The following LRRC63 variants were observed in gnomAD, a reference collection of about 807,000 sequenced individuals.
The protein encoded by LRRC63 is leucine-rich repeat-containing protein 63.
In LRRC63, 40 loss-of-function variants were observed where a neutral mutation model predicts 49.5. The observed-to-expected ratio is 0.81, with a 90% CI of 0.63 to 1.05. The LOEUF (loss-of-function observed/expected upper bound fraction) is 1.05. Ranked by LOEUF, LRRC63 falls within the 50% of genes least tolerant of loss-of-function variation. The pLI is 0.00. For synonymous variants in LRRC63, 191 were observed against 221.1 expected (o/e 0.86, Z 1.21); for missense variants, 636 against 663.1 (o/e 0.96, Z 0.45).
intron 9 of LRRC63, among the ~76,000 whole-genome samples, chr13:46,271,085 A>G (rs1271149076): frequency 6.6e-6 from 1 of 152,186 alleles, no homozygotes; most frequent in Non-Finnish European, 1.5e-5. Flanking sequence ...TTAACCAAAC[A>G]CAAAACCCAC....
At chr13:46,228,680 A>G in exon 4 of LRRC63, 1 of 1,544,882 alleles carries the variant, frequency 6.5e-7, no homozygotes, top group African/African-American at 1.4e-5. Flanking sequence ...CTTGTAACAG[A>G]AAATGGAAAT....
intron 7 of LRRC63, 139 bp downstream of exon 7, chr13:46,250,630 C>A: frequency 1.5e-6 from 1 of 681,630 alleles, no homozygotes; most frequent in South Asian, 2.1e-5. Flanking sequence ...TAATACGCTT[C>A]TTCTTATGGT....
chr13:46,231,422 T>C (rs986403725), intron 4 of LRRC63, among the ~76,000 whole-genome samples: 7 of 152,116 alleles, frequency 4.6e-5, no homozygotes, highest in African/African-American at 1.4e-4. Flanking sequence ...CTTTTACTCA[T>C]GGCAGAAGGC....
chr13:46,224,658 A>G (rs554552405), intron 2 of LRRC63, among the ~76,000 whole-genome samples: 2 of 152,172 alleles, frequency 1.3e-5, no homozygotes, highest in Admixed American at 6.5e-5. Flanking sequence ...CTGTGTCTTT[A>G]TATTGATATC....
intron 7 of LRRC63, among the ~76,000 whole-genome samples, chr13:46,258,482 G>A (rs1019063618): frequency 2.3e-4 from 34 of 150,554 alleles, no homozygotes; most frequent in African/African-American, 8.3e-4. Flanking sequence ...ACTTATACTT[G>A]TCTTCAAGGA....
At chr13:46,245,270 A>G (rs918679657) in intron 5 of LRRC63, among the ~76,000 whole-genome samples, 1 of 152,218 alleles carries the variant, frequency 6.6e-6, no homozygotes, top group African/African-American at 2.4e-5. Context: ...TAGACTTAAT[A>G]TATCTTGATC....
chr13:46,263,773 T>C (rs2047646352), intron 8 of LRRC63, among the ~76,000 whole-genome samples: 1 of 152,232 alleles, frequency 6.6e-6, no homozygotes, highest in Admixed American at 6.5e-5. Flanking sequence ...AAAGAATGTT[T>C]ATTTAGCACT....
chr13:46,237,079 A>G lies in LRRC63; in HGVS notation c.990+2730A>G, dbSNP rs140969591. Among the ~76,000 whole-genome samples the G allele has an allele frequency of 6.0e-4, 91 of 152,316 alleles. No homozygotes were observed. The Middle Eastern group carries it at 0.01, about 17-fold the overall frequency. On this transcript the variant is annotated intron_variant, in intron 5 of 9. Transcript: ENST00000595396. ...CACAAAAGGATGTGAGGAGGGAATT[A>G]ATGTGGCACACTACAGAAAATTAAT...
At chr13:46,250,265 A>G (rs1020671505) in intron 6 of LRRC63, 90 bp from the exon 7 acceptor site, 2 of 1,132,304 alleles carry the variant, frequency 1.8e-6, no homozygotes, top group African/African-American at 1.6e-5. Flanking sequence ...ATGATTCTAC[A>G]TTAGTTCAGA....
rs181295548 is a variant in LRRC63 at position 46,243,968 on chromosome 13, C to T, written c.991-2559C>T. On this transcript the variant is annotated intron_variant, in intron 5 of 9. Transcript: ENST00000595396. The stretch of plus-strand genomic sequence containing the variant: ...GAATTCATTTTTCTCAAGCTTATCT[C>T]TACTACAAGAAATGTTGGAAAAAAA... 7.2e-4 allele frequency among the ~76,000 whole-genome samples: 109 copies of T among 152,070 alleles called. 3 individuals are homozygous for T. Among genetic ancestry groups the T allele is most frequent in the African/African-American group, 2.3e-3 (97 of 41,474 alleles).
In LRRC63 at chr13:46,264,180, C is replaced by A. The variant is rs556060024; in HGVS notation, c.1310+2188C>A. 3.9e-5 allele frequency among the ~76,000 whole-genome samples: 6 copies of A among 152,264 alleles called. No individual in the cohort carries two copies. The East Asian group carries it at 5.8e-4, about 15-fold the overall frequency. Reference sequence around the variant, plus strand: ...ACTAAGATTCTCCCATAATCTTTGACCTTTCAGAATTTTATGAGATTACGC... The same window carrying A: ...ACTAAGATTCTCCCATAATCTTTGAACTTTCAGAATTTTATGAGATTACGC... On this transcript the variant is annotated intron_variant, in intron 8 of 9. Coordinates refer to ENST00000595396, the Ensembl canonical transcript of LRRC63.
rs1017589686 is a variant in LRRC63 at position 46,266,431 on chromosome 13, A to G, written c.1311-302A>G. Among the ~76,000 whole-genome samples, 31 of 152,206 alleles carry G rather than the reference A, an allele frequency of 2.0e-4. 1 individual carries two copies. Among genetic ancestry groups the G allele is most frequent in the African/African-American group, 6.3e-4 (26 of 41,466 alleles). Reference sequence around the variant, plus strand: ...CATACTATACCATATTTTATGTAACATGACATTGATTAATCTTGTGTTTGT... The same window carrying G: ...CATACTATACCATATTTTATGTAACGTGACATTGATTAATCTTGTGTTTGT... On this transcript the variant is annotated intron_variant, in intron 8 of 9. Transcript: ENST00000595396.
chr13:46,276,865 TA>T (rs1408658410), exon 10 of LRRC63: 48 of 163,890 alleles, frequency 2.9e-4, no homozygotes, highest in South Asian at 6.3e-4. Context: ...TATATATATA[TA>T]TTTATATATA....
intron 7 of LRRC63, among the ~76,000 whole-genome samples, chr13:46,258,042 A>G: frequency 6.6e-6 from 1 of 151,632 alleles, no homozygotes; most frequent in East Asian, 1.9e-4. Context: ...ACTCAAAGTG[A>G]TAGAGTAGAA....
chr13:46,233,999 A>C (rs2046835927), intron 4 of LRRC63, among the ~76,000 whole-genome samples, 193 bp from the exon 5 acceptor site: 1 of 152,212 alleles, frequency 6.6e-6, no homozygotes, highest in Non-Finnish European at 1.5e-5. Context: ...TACAAAACAA[A>C]ACAACACCCA....
chr13:46,274,249 G>C (rs1008108242), intron 9 of LRRC63, among the ~76,000 whole-genome samples: 6 of 152,092 alleles, frequency 3.9e-5, no homozygotes, highest in African/African-American at 1.4e-4. Flanking sequence ...GAGAGAGGGA[G>C]GATGAAAAAT....
At chr13:46,237,897 C>CAA (rs534001912) in intron 5 of LRRC63, among the ~76,000 whole-genome samples, 1 of 151,516 alleles carries the variant, frequency 6.6e-6, no homozygotes, top group East Asian at 1.9e-4. Flanking sequence ...GACTCAAGAA[C>CAA]AAAAAAAATC....
chr13:46,256,095 C>T (rs1234823178), intron 7 of LRRC63, among the ~76,000 whole-genome samples: 1 of 152,038 alleles, frequency 6.6e-6, no homozygotes, highest in African/African-American at 2.4e-5. Flanking sequence ...TCAGCAAAGT[C>T]AAAAATAGAA....
chr13:46,235,821 G>A (rs2138445628), intron 5 of LRRC63, among the ~76,000 whole-genome samples: 1 of 152,136 alleles, frequency 6.6e-6, no homozygotes, highest in South Asian at 2.1e-4. Flanking sequence ...ACTGGAAAAA[G>A]GACCTTAAAT....
Sources: allele counts gnomAD v4.1 joint callset (sites outside exome capture counted in the v4.1 genomes callset), GRCh38; gene constraint gnomAD v4.1.1; transcripts MANE v1.5; gene names NCBI Gene and HGNC (gene_info 2026-07-23, HGNC 2026-07-21).